The following CDC14A variants were observed in gnomAD, a reference collection of about 807,000 sequenced individuals.
CDC14A encodes dual specificity protein phosphatase CDC14A.
In CDC14A, 53 loss-of-function variants were observed where a neutral mutation model predicts 74.4. The observed-to-expected ratio is 0.71, with a 90% confidence interval of 0.57 to 0.89. The LOEUF (loss-of-function observed/expected upper bound fraction) is 0.89, where lower values mean the gene tolerates loss of function less well. Ranked by LOEUF, CDC14A falls within the 40% of genes least tolerant of loss-of-function variation. CDC14A has a pLI of 0.00. For synonymous variants in CDC14A, 247 were observed against 258.4 expected (o/e 0.96, Z 0.43); for missense variants, 646 against 713.7 (o/e 0.91, Z 1.08).
rs550408972 is a variant in CDC14A at position 100,502,489 on chromosome 1, A to G, written c.1755+3227A>G. The stretch of plus-strand genomic sequence containing the variant: ...GCTCAGGTGTGTAGCAGGCTCTACC[A>G]TCTAGGTTTGTATAAGTGCACTCTA... On this transcript the variant is annotated intron_variant, in intron 15 of 15. Transcript: ENST00000336454. 7.9e-5 allele frequency among the ~76,000 whole-genome samples: 12 copies of G among 152,330 alleles called. No individual in the cohort carries two copies. The South Asian group carries it at 2.3e-3, about 29-fold the overall frequency.
chr1:100,430,793 C>T (rs191913372), intron 5 of CDC14A, among the ~76,000 whole-genome samples: 4 of 152,256 alleles, frequency 2.6e-5, no homozygotes, highest in East Asian at 3.9e-4. Context: ...TTCTCCTTAC[C>T]GTGCTTTCCT....
chr1:100,417,414 T>C (rs2101058889), intron 4 of CDC14A, among the ~76,000 whole-genome samples: 1 of 152,306 alleles, frequency 6.6e-6, no homozygotes, highest in African/African-American at 2.4e-5. Flanking sequence ...ATATATATGC[T>C]GATTGAATTA....
chr1:100,359,395 A>G (rs976190996), intron 2 of CDC14A, among the ~76,000 whole-genome samples: 2 of 152,164 alleles, frequency 1.3e-5, no homozygotes, highest in Non-Finnish European at 2.9e-5. Flanking sequence ...CCTGGAGTCC[A>G]GGCATTTCCC....
In CDC14A at chr1:100,436,022, G is replaced by A. The variant is rs559781059; in HGVS notation, c.390-3910G>A. Among the ~76,000 whole-genome samples the A allele has an allele frequency of 4.4e-4, 67 of 152,286 alleles. No individual in the cohort carries two copies. The South Asian group carries it at 7.3e-3, about 16-fold the overall frequency. On this transcript the variant is annotated intron_variant, in intron 5 of 15. Coordinates refer to ENST00000336454, the MANE Select transcript of CDC14A (RefSeq NM_003672.4). ...AAAGGATCCAGAAGAGAGATAAAGA[G>A]ATGACCAATGGTGTTGTATGGTGGT...
intron 11 of CDC14A, chr1:100,484,792 C>T (rs1335846476): frequency 2.0e-6 from 2 of 989,078 alleles, no homozygotes; most frequent in Non-Finnish European, 2.4e-6. Flanking sequence ...ATAATACATA[C>T]CACAAGTGGT....
At chr1:100,494,697 C>T in intron 11 of CDC14A, 121 bp from the exon 12 acceptor site, 1 of 554,376 alleles carries the variant, frequency 1.8e-6, no homozygotes. Context: ...TTCACAGTAC[C>T]TTTAGTGACT....
chr1:100,513,494 C>T (rs945133758), intron 15 of CDC14A, among the ~76,000 whole-genome samples: 1 of 152,022 alleles, frequency 6.6e-6, no homozygotes. Flanking sequence ...GGATTTTGAC[C>T]TTAGTAGGAT....
intron 3 of CDC14A, among the ~76,000 whole-genome samples, chr1:100,385,845 C>A (rs757403251): frequency 6.6e-6 from 1 of 152,030 alleles, no homozygotes; most frequent in Non-Finnish European, 1.5e-5. Context: ...GCTGTTGTTG[C>A]GGTTATTATA....
At chr1:100,429,565 A>G (rs1406094928) in intron 5 of CDC14A, among the ~76,000 whole-genome samples, 1 of 151,710 alleles carries the variant, frequency 6.6e-6, no homozygotes, top group Non-Finnish European at 1.5e-5. Context: ...GTGCCCAGAA[A>G]TTTTGCTGTA....
chr1:100,355,903 A>T lies in CDC14A; in HGVS notation c.140+2051A>T, dbSNP rs921283240. 2.0e-5 allele frequency among the ~76,000 whole-genome samples: 3 copies of T among 152,242 alleles called. No homozygotes were observed. In the South Asian group the frequency reaches 6.2e-4, roughly 32 times the overall value. ...ATACAACCTCTATGCTAGGAGAGGC[A>T]TTCACAGGCAGGTAGGGGCACATCT... is the stretch of plus-strand genomic sequence containing the variant. On this transcript the variant is annotated intron_variant, in intron 2 of 15. Transcript: ENST00000336454.
At chr1:100,359,152 A>G (rs1570946204) in intron 2 of CDC14A, among the ~76,000 whole-genome samples, 1 of 152,236 alleles carries the variant, frequency 6.6e-6, no homozygotes, top group Admixed American at 6.5e-5. Context: ...CCATAGCAAC[A>G]ACAACAGCAG....
chr1:100,505,065 G>A (rs1462328379), intron 15 of CDC14A: 1 of 907,410 alleles, frequency 1.1e-6, no homozygotes, highest in Non-Finnish European at 1.6e-6. Context: ...AACTTCTTTT[G>A]CAGACATTTC....
At chr1:100,352,317 C>A, upstream of CDC14A, 1 of 330,732 alleles carries the variant, frequency 3.0e-6, no homozygotes, top group Non-Finnish European at 4.4e-6. Context: ...CTCCTAGTGA[C>A]CCGCGGGGCG....
At position 100,441,362 on chromosome 1, in the gene CDC14A, T is replaced by A. The variant is rs559230754; in HGVS notation, c.456+1364T>A. Among the ~76,000 whole-genome samples, 3 of 152,328 alleles carry A rather than the reference T, an allele frequency of 2.0e-5. No individual in the cohort carries two copies. The South Asian group carries it at 6.2e-4, about 32-fold the overall frequency. On this transcript the variant is annotated intron_variant, in intron 6 of 15. Transcript: ENST00000336454. ...GACATTTCCTGTAAGTTCATTCTCTTACATAAGGCACCATATTCTGGGCTA... is the reference window on the plus strand; with the variant it reads ...GACATTTCCTGTAAGTTCATTCTCTAACATAAGGCACCATATTCTGGGCTA...
intron 4 of CDC14A, among the ~76,000 whole-genome samples, chr1:100,403,058 G>T (rs1208603284): frequency 2.6e-5 from 4 of 152,164 alleles, no homozygotes; most frequent in African/African-American, 9.7e-5. Flanking sequence ...GTAGGTCTAA[G>T]TGCAAGGAGT....
intron 15 of CDC14A, among the ~76,000 whole-genome samples, chr1:100,502,753 C>T (rs1475139872): frequency 6.6e-6 from 1 of 152,158 alleles, no homozygotes; most frequent in Non-Finnish European, 1.5e-5. Flanking sequence ...TGTTAATCTC[C>T]CCTAATGATG....
At chr1:100,442,746 C>T (rs6672058) in intron 6 of CDC14A, among the ~76,000 whole-genome samples, 188 bp from the exon 7 acceptor site, 1 of 151,566 alleles carries the variant, frequency 6.6e-6, no homozygotes, top group Non-Finnish European at 1.5e-5. Context: ...TTTTTTAGTT[C>T]CAGTAAGACA....
intron 2 of CDC14A, among the ~76,000 whole-genome samples, chr1:100,356,812 A>G (rs1372498549): frequency 7.1e-6 from 1 of 140,196 alleles, no homozygotes; most frequent in Non-Finnish European, 1.5e-5. Flanking sequence ...GTGAGCTGAG[A>G]TTGCGCCACT....
At chr1:100,496,154 G>T in intron 13 of CDC14A, 105 bp downstream of exon 13, 2 of 878,868 alleles carry the variant, frequency 2.3e-6, no homozygotes, top group Non-Finnish European at 1.8e-6. Context: ...ACAGCTTTTT[G>T]CTTTTTAAAT....
Sources: gnomAD v4.1 joint callset for allele counts (sites outside exome capture counted in the v4.1 genomes callset) on GRCh38, gnomAD v4.1.1 for gene constraint, MANE v1.5 for transcripts, NCBI Gene and HGNC (gene_info 2026-07-23, HGNC 2026-07-21) for gene names.